The following CLCN1 variants were observed in gnomAD, a reference collection of about 807,000 sequenced individuals.
CLCN1 encodes the protein chloride channel protein 1.
A neutral mutation model predicts 114.5 loss-of-function variants in CLCN1; 100 were observed. That is an observed-to-expected ratio of 0.87 (90% confidence interval 0.74 to 1.03). The LOEUF (loss-of-function observed/expected upper bound fraction) is 1.03, where lower values mean the gene tolerates loss of function less well. CLCN1 is among the 50% of genes least tolerant of loss of function. The pLI, the probability that CLCN1 is intolerant of heterozygous loss-of-function variation, is 0.00. For missense variants in CLCN1, 1,188 were observed against 1,250.0 expected (o/e 0.95, Z 0.75); for synonymous variants, 485 against 487.1 (o/e 1.00, Z 0.06).
intron 10 of CLCN1, among the ~76,000 whole-genome samples, 196 bp from the exon 11 acceptor site, chr7:143,332,223 C>T (rs145398452): frequency 6.6e-6 from 1 of 152,200 alleles, no homozygotes; most frequent in South Asian, 2.1e-4. Flanking sequence ...CTTGGCCTCC[C>T]AAAGTGCCCC....
At chr7:143,330,572 G>T (rs1243130841) in intron 7 of CLCN1, among the ~76,000 whole-genome samples, 200 bp from the exon 8 acceptor site, 3 of 152,174 alleles carry the variant, frequency 2.0e-5, no homozygotes, top group African/African-American at 7.2e-5. Flanking sequence ...CCCATCCCTT[G>T]TCTGAAATAA....
At position 143,326,071 on chromosome 7, in the gene CLCN1, C is replaced by T. The variant is rs189476473; in HGVS notation, c.853+1579C>T. Among the ~76,000 whole-genome samples the T allele has an allele frequency of 2.5e-3, 388 of 152,158 alleles. 2 individuals carry two copies. The highest frequency in any genetic ancestry group is 8.6e-3 in the African/African-American group (359 of 41,504). The stretch of plus-strand genomic sequence containing the variant: ...TTGCTCTGTCACCCAGGCTGGAGTG[C>T]AGTGGCACCATCTTGGCTCACTGCA... On this transcript the variant is annotated intron_variant, in intron 7 of 22. Coordinates refer to ENST00000343257, the MANE Select transcript of CLCN1 (RefSeq NM_000083.3).
chr7:143,338,372 G>C (rs1485283486), intron 12 of CLCN1, among the ~76,000 whole-genome samples: 1 of 152,142 alleles, frequency 6.6e-6, no homozygotes, highest in African/African-American at 2.4e-5. Context: ...GGCTCAGGCA[G>C]GTAAGTCTTC....
chr7:143,346,349 G>T, intron 18 of CLCN1, 98 bp downstream of exon 18: 1 of 823,182 alleles, frequency 1.2e-6, no homozygotes, highest in Non-Finnish European at 2.0e-6. Context: ...TATGCGGGGT[G>T]GGGTGGGGGG....
Position 143,324,368 on chromosome 7 carries a change from C to A in CLCN1, c.775-46C>A, listed in dbSNP as rs748789652. The A allele has an allele frequency of 2.8e-6, 4 of 1,435,294 alleles. No individual in the cohort carries two copies. Among genetic ancestry groups the A allele is most frequent in the Non-Finnish European group, 3.9e-6 (4 of 1,017,650 alleles). The allele number at this position is 1,435,294 out of a possible 1,614,324, so 88.9% of individuals were successfully genotyped here. ...GCTTGTTCTGTCCTCTGCCTGCCCA[C>A]CTCCCTCTCTTCCACCTGTTTCTCT... On this transcript the variant is annotated intron_variant, in intron 6 of 22. Coordinates refer to ENST00000343257, the MANE Select transcript of CLCN1 (RefSeq NM_000083.3). This position sits in a 1 kb window ranked among gnomAD's most constrained non-coding sequence, Gnocchi z 4.6.
rs999022924 is a variant in CLCN1 at position 143,332,789 on chromosome 7, T to C, written c.1317T>C (p.Asp439=). 2.5e-6 allele frequency: 4 copies of C among 1,614,100 alleles called. No individual in the cohort carries two copies. The highest frequency in any genetic ancestry group is 3.4e-6 in the Non-Finnish European group (4 of 1,179,962). The part of the protein sequence containing the change: ...DNNTWVKHAG[D]PESLGQSAVW... ...ATACATGGGTGAAACACGCGGGTGA[T>C]CCTGAGAGCCTGGGCCAGTCAGCTG... Residue 439 remains aspartate, a synonymous_variant, in exon 12 of 23, where the codon GAT becomes GAC. Coordinates refer to ENST00000343257, the MANE Select transcript of CLCN1 (RefSeq NM_000083.3).
intron 12 of CLCN1, among the ~76,000 whole-genome samples, chr7:143,334,754 T>C (rs1802825331): frequency 6.6e-6 from 1 of 152,240 alleles, no homozygotes; most frequent in South Asian, 2.1e-4. Context: ...CTTTAGGTGG[T>C]TTAGTTGAAT....
chr7:143,335,846 G>C (rs908453622), intron 12 of CLCN1, among the ~76,000 whole-genome samples: 2 of 151,918 alleles, frequency 1.3e-5, no homozygotes, highest in Non-Finnish European at 2.9e-5. Context: ...ATTTTTAGTA[G>C]AGACGGTGTT....
chr7:143,342,468 C>T lies in CLCN1; in HGVS notation c.1893C>T (p.Thr631=), dbSNP rs769183117. ...GGGAGTTGCGAACCCTGCTCCAGAC[C>T]ACCACAGTCAAGACTTTACCACTGG... ...TYGELRTLLQ[T]TTVKTLPLVD... Residue 631 remains threonine (T), a synonymous_variant, in exon 16 of 23, where the codon ACC becomes ACT. Transcript: ENST00000343257. 11 of 1,613,906 alleles carry T rather than the reference C, an allele frequency of 6.8e-6. No homozygotes were observed.
At chr7:143,333,689 A>G (rs1255406064) in intron 12 of CLCN1, among the ~76,000 whole-genome samples, 6 of 152,188 alleles carry the variant, frequency 3.9e-5, no homozygotes, top group African/African-American at 1.4e-4. Context: ...TAGTGACTAC[A>G]CATAATTTTT....
intron 20 of CLCN1, among the ~76,000 whole-genome samples, chr7:143,348,573 G>A (rs1640624919): frequency 6.6e-6 from 1 of 152,036 alleles, no homozygotes; most frequent in Non-Finnish European, 1.5e-5. Flanking sequence ...AGATCTAACA[G>A]GAGTTGAAAT....
At chr7:143,331,702 C>A in intron 10 of CLCN1, 50 bp downstream of exon 10, 3 of 1,299,930 alleles carry the variant, frequency 2.3e-6, no homozygotes, top group East Asian at 2.3e-5. Flanking sequence ...CTGGTTTCTC[C>A]AAGAGTTCCT....
intron 7 of CLCN1, among the ~76,000 whole-genome samples, chr7:143,328,995 T>G: frequency 1.4e-5 from 2 of 144,296 alleles, no homozygotes; most frequent in East Asian, 2.0e-4. Context: ...CAAGATGGAG[T>G]CTTGCTCTGT....
rs1174218122 is a variant in CLCN1, at chr7:143,333,696, T to A, written c.1401+823T>A. Among the ~76,000 whole-genome samples, 3 of 152,268 alleles carry A rather than the reference T, an allele frequency of 2.0e-5. No individual in the cohort carries two copies. The East Asian group carries it at 5.8e-4, about 29-fold the overall frequency. On this transcript the variant is annotated intron_variant, in intron 12 of 22. Coordinates refer to ENST00000343257, the MANE Select transcript of CLCN1 (RefSeq NM_000083.3). ...AATTGTATTAGTGACTACACATAATTTTTATACATGTTATTATTCTCTATT... is the reference window on the plus strand; with the variant it reads ...AATTGTATTAGTGACTACACATAATATTTATACATGTTATTATTCTCTATT...
rs145786256 is a variant in CLCN1, at chr7:143,324,221, T to G, written c.775-193T>G. 1.2e-3 allele frequency among the ~76,000 whole-genome samples: 188 copies of G among 152,346 alleles called. No homozygotes were observed. Among genetic ancestry groups the G allele is most frequent in the African/African-American group, 3.8e-3 (157 of 41,578 alleles). On this transcript the variant is annotated intron_variant, in intron 6 of 22. Transcript: ENST00000343257. The surrounding 1 kb of genome is among the most constrained non-coding windows in gnomAD (Gnocchi z 4.6). ...TCTATTTCATTTTGACACTGTGCTA[T>G]GAGGTTAATTCCTTTTTGCCAAACT...
intron 7 of CLCN1, among the ~76,000 whole-genome samples, chr7:143,327,395 G>A (rs1338401805): frequency 5.9e-5 from 9 of 152,128 alleles, no homozygotes; most frequent in Admixed American, 5.9e-4. Context: ...CTGACTTCGG[G>A]AAATACTGTC....
rs760380991 is a variant in CLCN1 at position 143,351,603 on chromosome 7, G to A, written c.2605G>A (p.Ala869Thr). Reference sequence around the variant, plus strand: ...TCCCACTGCTCTTCAGCTACAGAAGGCCATTGAGGGGCACACCAAGTCTGG... The same window carrying A: ...TCCCACTGCTCTTCAGCTACAGAAGACCATTGAGGGGCACACCAAGTCTGG... The part of the protein sequence containing the change: ...GVLALEELQK[A>T]IEGHTKSGVQ... The change falls in exon 23 of 23, where the codon GCC (alanine) becomes ACC (threonine). Residue 869 changes from alanine (A) to threonine (T), a missense_variant. Physicochemically the swap from Ala to Thr is moderately conservative, Grantham distance 58. Coordinates refer to ENST00000343257, the MANE Select transcript of CLCN1 (RefSeq NM_000083.3). 6.2e-7 allele frequency: 1 copy of A among 1,613,898 alleles called. No homozygotes were observed. The highest frequency in any genetic ancestry group is 1.7e-5 in the Admixed American group (1 of 59,982).
intron 12 of CLCN1, among the ~76,000 whole-genome samples, chr7:143,335,827 T>G (rs983494287): frequency 6.6e-6 from 1 of 151,898 alleles, no homozygotes; most frequent in Non-Finnish European, 1.5e-5. Context: ...GCCCAGCTAA[T>G]TTTTTTGTAT....
Position 143,346,942 on chromosome 7 carries a change from C to T in CLCN1, c.2396C>T (p.Pro799Leu). Residue 799 changes from proline (P) to leucine (L), a missense_variant, in exon 20 of 23, where the codon CCT (proline) becomes CTT (leucine). By Grantham distance (98) the Pro-to-Leu change is moderately conservative (BLOSUM62 -3). Transcript: ENST00000343257. ...ACAGATTTAGTGGATAACATGTCAC[C>T]TGAAGAGGTGAGTAAGGGAAATGGA... ...DSTDLVDNMS[P>L]EEIEAWEQEQ... 3 of 1,613,534 alleles carry T rather than the reference C, an allele frequency of 1.9e-6. No individual in the cohort carries two copies. The highest frequency in any genetic ancestry group is 2.5e-6 in the Non-Finnish European group (3 of 1,179,478).
Sources: gnomAD v4.1 joint callset for allele counts (sites outside exome capture counted in the v4.1 genomes callset) on GRCh38, gnomAD v4.1.1 for gene constraint, Gnocchi (gnomAD v3.1) non-coding constraint, MANE v1.5 for transcripts, NCBI Gene and HGNC (gene_info 2026-07-23, HGNC 2026-07-21) for gene names.